CNTN3: variants seen among roughly 807,000 people sequenced by gnomAD.
CNTN3 encodes contactin-3.
A neutral mutation model predicts 119.1 loss-of-function variants in CNTN3; 60 were observed. The ratio of observed to expected loss-of-function variants is 0.50; its 90% confidence interval spans 0.41 to 0.62. The LOEUF (loss-of-function observed/expected upper bound fraction) is 0.62. Among genes scored for constraint, CNTN3 ranks in the 20% least tolerant of loss-of-function variants. CNTN3 has a pLI of 0.00. For missense variants in CNTN3, 1,101 were observed against 1,242.4 expected (o/e 0.89, Z 1.71); for synonymous variants, 450 against 438.7 (o/e 1.03, Z -0.32).
At chr3:74,291,318 G>T (rs538144272) in intron 19 of CNTN3, among the ~76,000 whole-genome samples, 2 of 152,174 alleles carry the variant, frequency 1.3e-5, no homozygotes, top group East Asian at 3.9e-4. Context: ...CATTTGGGTT[G>T]GTTCCAAGTC....
intron 4 of CNTN3, among the ~76,000 whole-genome samples, chr3:74,455,498 C>T (rs1702250444): frequency 6.6e-6 from 1 of 152,124 alleles, no homozygotes. Flanking sequence ...CTTCTCTCGA[C>T]TCGTCAAAGT....
At chr3:74,429,856 A>G (rs1701754135) in intron 4 of CNTN3, among the ~76,000 whole-genome samples, 1 of 152,218 alleles carries the variant, frequency 6.6e-6, no homozygotes, top group Admixed American at 6.5e-5. Flanking sequence ...GAGGAAAAAC[A>G]GATGGAAAAT....
At chr3:74,445,758 A>G (rs1487879985) in intron 4 of CNTN3, among the ~76,000 whole-genome samples, 3 of 152,182 alleles carry the variant, frequency 2.0e-5, no homozygotes, top group Non-Finnish European at 4.4e-5. Context: ...ATCACAGGAC[A>G]AGACAGGATT....
chr3:74,459,587 C>T (rs185096457), intron 4 of CNTN3, among the ~76,000 whole-genome samples: 4 of 152,106 alleles, frequency 2.6e-5, no homozygotes, highest in Middle Eastern at 3.4e-3. Context: ...CAGAACTCTG[C>T]ATGTCCTATG....
intron 5 of CNTN3, among the ~76,000 whole-genome samples, chr3:74,408,901 A>G (rs1297978822): frequency 6.6e-6 from 1 of 152,190 alleles, no homozygotes; most frequent in African/African-American, 2.4e-5. Context: ...TCCTTCTGGA[A>G]CTAACATACA....
At chr3:74,462,497 A>C (rs565094757) in intron 4 of CNTN3, among the ~76,000 whole-genome samples, 1 of 152,096 alleles carries the variant, frequency 6.6e-6, no homozygotes, top group Non-Finnish European at 1.5e-5. Context: ...AGCAGTGTCA[A>C]TATTCAAAGT....
At chr3:74,390,942 T>C (rs1353426550) in intron 5 of CNTN3, among the ~76,000 whole-genome samples, 1 of 152,232 alleles carries the variant, frequency 6.6e-6, no homozygotes, top group African/African-American at 2.4e-5. Flanking sequence ...TATTCGTTTT[T>C]CTGCCGCTAC....
chr3:74,418,291 G>A (rs1265818098), intron 5 of CNTN3, among the ~76,000 whole-genome samples: 5 of 148,686 alleles, frequency 3.4e-5, no homozygotes, highest in Admixed American at 6.7e-5. Flanking sequence ...GCTTCCCAAA[G>A]TGCTGGGATT....
intron 5 of CNTN3, among the ~76,000 whole-genome samples, chr3:74,404,229 C>T (rs1705266275): frequency 6.6e-6 from 1 of 152,064 alleles, no homozygotes. Context: ...TTCTGTGGAG[C>T]AAGTGCCAAG....
At chr3:74,380,391 G>A (rs1419488085) in intron 5 of CNTN3, among the ~76,000 whole-genome samples, 9 of 152,134 alleles carry the variant, frequency 5.9e-5, no homozygotes, top group South Asian at 2.1e-4. Flanking sequence ...TTTCCTCATC[G>A]CTTATATTGA....
At chr3:74,523,388 C>T (rs1046685523) in intron 1 of CNTN3, among the ~76,000 whole-genome samples, 15 of 151,860 alleles carry the variant, frequency 9.9e-5, no homozygotes, top group African/African-American at 3.1e-4. Flanking sequence ...GCATGTGAAA[C>T]ATGAGATACA....
intron 5 of CNTN3, among the ~76,000 whole-genome samples, chr3:74,411,646 A>G (rs1287625628): frequency 1.3e-5 from 2 of 152,176 alleles, no homozygotes; most frequent in Non-Finnish European, 2.9e-5. Context: ...ATGCTGCTCA[A>G]TGTCACCCAA....
At chr3:74,418,337 T>G (rs981470281) in intron 5 of CNTN3, among the ~76,000 whole-genome samples, 2 of 126,184 alleles carry the variant, frequency 1.6e-5, no homozygotes, top group South Asian at 2.6e-4. Context: ...GCAGAAAACA[T>G]ATTCCTTTTT....
intron 5 of CNTN3, among the ~76,000 whole-genome samples, chr3:74,415,380 C>A (rs1361770636): frequency 6.6e-6 from 1 of 152,108 alleles, no homozygotes; most frequent in African/African-American, 2.4e-5. Context: ...TTTCCATGAC[C>A]CTGACTCTTT....
chr3:74,510,647 T>C (rs1703348680), intron 2 of CNTN3, among the ~76,000 whole-genome samples: 1 of 151,998 alleles, frequency 6.6e-6, no homozygotes, highest in Non-Finnish European at 1.5e-5. Context: ...CTCAAATCTC[T>C]AAGAATGTTT....
intron 13 of CNTN3, among the ~76,000 whole-genome samples, chr3:74,305,834 T>C (rs1395534350): frequency 6.6e-6 from 1 of 151,580 alleles, no homozygotes; most frequent in Non-Finnish European, 1.5e-5. Flanking sequence ...TTATGACTTG[T>C]TCATTTCTTG....
intron 13 of CNTN3, among the ~76,000 whole-genome samples, chr3:74,312,316 C>T (rs977987923): frequency 7.9e-5 from 12 of 151,698 alleles, no homozygotes; most frequent in South Asian, 6.3e-4. Flanking sequence ...ACTAGCCAGG[C>T]GTGGTGGCGG....
At chr3:74,313,972 T>C (rs972748796) in intron 13 of CNTN3, among the ~76,000 whole-genome samples, 3 of 152,336 alleles carry the variant, frequency 2.0e-5, no homozygotes, top group South Asian at 2.1e-4. Flanking sequence ...AGTACCCATT[T>C]CAAAATATGT....
chr3:74,612,156 G>A (rs938571232), intron 1 of CNTN3, among the ~76,000 whole-genome samples: 1 of 152,140 alleles, frequency 6.6e-6, no homozygotes, highest in African/African-American at 2.4e-5. Context: ...AACAAAGCTG[G>A]AAGATGTGTA....
Sources: gnomAD v4.1 joint callset for allele counts (sites outside exome capture counted in the v4.1 genomes callset) on GRCh38, gnomAD v4.1.1 for gene constraint, MANE v1.5 for transcripts, NCBI Gene and HGNC (gene_info 2026-07-23, HGNC 2026-07-21) for gene names.